TRMT10A: variants seen among roughly 807,000 people sequenced by gnomAD.
The protein encoded by TRMT10A is tRNA methyltransferase 10 homolog A.
Under a neutral mutation model 40.4 loss-of-function variants are expected in TRMT10A, and 37 were observed. That is an observed-to-expected ratio of 0.92 (90% CI 0.71 to 1.21). The LOEUF is 1.21. TRMT10A is among the 50% of genes most tolerant of loss of function. The pLI is 0.00. For synonymous variants in TRMT10A, 103 were observed against 134.1 expected (o/e 0.77, Z 1.60); for missense variants, 388 against 404.3 (o/e 0.96, Z 0.35).
In TRMT10A at chr4:99,553,945, A is replaced by G. The variant is rs1724059634; in HGVS notation, c.496-11T>C. On this transcript the variant is annotated splice_polypyrimidine_tract_variant and intron_variant, in intron 5 of 7. Coordinates refer to ENST00000394876, the MANE Select transcript of TRMT10A (RefSeq NM_001134665.3). ...TTTGATATGGATATCCTTTAAGACA[A>G]CAGGGAAAGAGGTTACTAATTAATA... 1.9e-6 allele frequency: 3 copies of G among 1,609,058 alleles called. No homozygotes were observed. The highest frequency in any genetic ancestry group is 2.5e-6 in the Non-Finnish European group (3 of 1,178,736).
chr4:99,561,236 A>G (rs1724379544), intron 1 of TRMT10A, among the ~76,000 whole-genome samples: 1 of 152,128 alleles, frequency 6.6e-6, no homozygotes, highest in Admixed American at 6.5e-5. Context: ...AAGTGCTGGG[A>G]TTACAGGCGT....
intron 1 of TRMT10A, among the ~76,000 whole-genome samples, chr4:99,562,501 T>C (rs1017873344): frequency 7.0e-6 from 1 of 143,184 alleles, no homozygotes; most frequent in Non-Finnish European, 1.5e-5. Context: ...TTGACAGCGA[T>C]AGCAAAGGAA....
chr4:99,553,067 A>T (rs532992621), intron 6 of TRMT10A, among the ~76,000 whole-genome samples: 7 of 152,324 alleles, frequency 4.6e-5, no homozygotes, highest in Admixed American at 6.5e-5. Flanking sequence ...AAAATTCCCT[A>T]TGATGCAATA....
rs1723861303 is a variant in TRMT10A at position 99,549,175 on chromosome 4, A to G, written c.933T>C (p.Tyr311=). ...GSDSDSSEEE[Y]SRNELDSPHE... ...GTGGTGAATCTAGTTCATTTCTGCTATATTCCTCCTCACTGGAATCACTGT... is the reference window on the plus strand; with the variant it reads ...GTGGTGAATCTAGTTCATTTCTGCTGTATTCCTCCTCACTGGAATCACTGT... Residue 311 remains tyrosine, a synonymous_variant, in exon 8 of 8, where the codon TAT becomes TAC. Coordinates refer to ENST00000394876, the MANE Select transcript of TRMT10A (RefSeq NM_001134665.3). 6.2e-7 allele frequency: 1 copy of G among 1,614,038 alleles called. No homozygotes were observed. Among genetic ancestry groups the G allele is most frequent in the Non-Finnish European group, 8.5e-7 (1 of 1,179,986 alleles).
chr4:99,546,894 T>C lies in TRMT10A; in HGVS notation c.*2194A>G, dbSNP rs1723757145. ...TTTTAAAACCAAATTTTTAAATACCTCAGAAACTAGTTATATCAAAAGAGG... is the reference window on the plus strand; with the variant it reads ...TTTTAAAACCAAATTTTTAAATACCCCAGAAACTAGTTATATCAAAAGAGG... On this transcript the variant is annotated 3_prime_UTR_variant, in exon 8 of 8. Coordinates refer to ENST00000394876, the MANE Select transcript of TRMT10A (RefSeq NM_001134665.3). The C allele has an allele frequency of 6.6e-6, 1 of 151,994 alleles. No individual in the cohort carries two copies. The highest frequency in any genetic ancestry group is 2.1e-4 in the South Asian group (1 of 4,818). The allele number at this position is 151,994 out of a possible 1,614,324, so 9.4% of individuals were successfully genotyped here.
intron 3 of TRMT10A, chr4:99,557,748 C>T (rs1476724393): frequency 2.5e-6 from 1 of 405,090 alleles, no homozygotes; most frequent in African/African-American, 2.1e-5. Context: ...ACTGGTAAAA[C>T]CCCACAGATC....
intron 4 of TRMT10A, among the ~76,000 whole-genome samples, chr4:99,556,441 C>T (rs2110189520): frequency 6.6e-6 from 1 of 152,236 alleles, no homozygotes; most frequent in African/African-American, 2.4e-5. Flanking sequence ...GCTGCAGTAT[C>T]CCATTTACAT....
intron 3 of TRMT10A, 170 bp from the exon 4 acceptor site, chr4:99,557,586 A>C: frequency 3.6e-6 from 2 of 548,828 alleles, no homozygotes; most frequent in Non-Finnish European, 6.3e-6. Flanking sequence ...ATACTAGCAA[A>C]ATTACTGTAA....
At chr4:99,552,559 T>G (rs184542606) in intron 6 of TRMT10A, among the ~76,000 whole-genome samples, 10 of 152,246 alleles carry the variant, frequency 6.6e-5, no homozygotes, top group South Asian at 6.2e-4. Flanking sequence ...ATCCCCATCA[T>G]TAAGCAACAT....
At position 99,557,617 on chromosome 4, in the gene TRMT10A, C is replaced by G. The variant is rs1724216413; in HGVS notation, c.349-201G>C. 2.9e-5 allele frequency: 14 copies of G among 475,746 alleles called. 1 individual carries two copies. The East Asian group carries it at 4.7e-4, about 16-fold the overall frequency. 29.5% of individuals were successfully genotyped at this position (475,746 alleles called of 1,614,324 possible). A position where few individuals can be genotyped will look rare whatever the true frequency, so the allele number is the denominator to read the frequency against. The stretch of plus-strand genomic sequence containing the variant: ...TGTAAGTTAATGCTCTGTAAGTGAC[C>G]CATTATTTCATATTTTGTATTTATT... On this transcript the variant is annotated intron_variant, in intron 3 of 7. Coordinates refer to ENST00000394876, the MANE Select transcript of TRMT10A (RefSeq NM_001134665.3).
In TRMT10A at chr4:99,548,982, C is replaced by G. The variant is rs1235728325; in HGVS notation, c.*106G>C. The G allele has an allele frequency of 4.0e-6, 5 of 1,239,848 alleles. No homozygotes were observed. The highest frequency in any genetic ancestry group is 5.3e-6 in the Non-Finnish European group (5 of 942,388). 76.8% of individuals were successfully genotyped at this position (1,239,848 alleles called of 1,614,324 possible). A position where few individuals can be genotyped will look rare whatever the true frequency, so the allele number is the denominator to read the frequency against. On this transcript the variant is annotated 3_prime_UTR_variant, in exon 8 of 8. Transcript: ENST00000394876. ...GGTCCAAAAAAAAGTTTTTAAAAAT[C>G]ACAACAGAAATAAGAGAAAATAAAA...
rs1723759085 is a variant in TRMT10A at position 99,546,951 on chromosome 4, C to A, written c.*2137G>T. 6.6e-6 allele frequency: 1 copy of A among 151,776 alleles called. No homozygotes were observed. The highest frequency in any genetic ancestry group is 6.6e-5 in the Admixed American group (1 of 15,238). The allele number at this position is 151,776 out of a possible 1,614,324, so 9.4% of individuals were successfully genotyped here. A position where few individuals can be genotyped will look rare whatever the true frequency, so the allele number is the denominator to read the frequency against. On this transcript the variant is annotated 3_prime_UTR_variant, in exon 8 of 8. Transcript: ENST00000394876. ...TCTTCACCTTCTTGCCACCAACATC[C>A]TAGATAAGATATGGGCCTGTAGTGG...
At chr4:99,555,949 T>C (rs1200423553) in intron 5 of TRMT10A, among the ~76,000 whole-genome samples, 197 bp downstream of exon 5, 1 of 152,192 alleles carries the variant, frequency 6.6e-6, no homozygotes, top group Non-Finnish European at 1.5e-5. Context: ...GAAGATTTAA[T>C]GAGAACAAAT....
chr4:99,562,407 A>G (rs1724453493), intron 1 of TRMT10A, among the ~76,000 whole-genome samples: 1 of 151,710 alleles, frequency 6.6e-6, no homozygotes, highest in Admixed American at 6.6e-5. Context: ...GGGATAAAAT[A>G]AATAATCGTC....
chr4:99,561,335 T>G (rs1724385919), intron 1 of TRMT10A, among the ~76,000 whole-genome samples: 1 of 152,128 alleles, frequency 6.6e-6, no homozygotes, highest in Non-Finnish European at 1.5e-5. Context: ...CATATGCCTT[T>G]CCTATCTAAG....
At chr4:99,562,562 G>A (rs1401302274) in intron 1 of TRMT10A, among the ~76,000 whole-genome samples, 2 of 125,120 alleles carry the variant, frequency 1.6e-5, no homozygotes, top group Non-Finnish European at 3.1e-5. Flanking sequence ...GTCTTGCTAG[G>A]TCGCCCAGGC....
chr4:99,562,038 G>A (rs1178111060), intron 1 of TRMT10A, among the ~76,000 whole-genome samples: 1 of 151,952 alleles, frequency 6.6e-6, no homozygotes, highest in Non-Finnish European at 1.5e-5. Context: ...AGGCGTGGTA[G>A]TGGACGCCTG....
rs1225409614 is a variant in TRMT10A, at chr4:99,546,975, G to A, written c.*2113C>T. 1 of 151,836 alleles carries A rather than the reference G, an allele frequency of 6.6e-6. No individual in the cohort carries two copies. The highest frequency in any genetic ancestry group is 1.5e-5 in the Non-Finnish European group (1 of 67,938). 9.4% of individuals were successfully genotyped at this position (151,836 alleles called of 1,614,324 possible). A position where few individuals can be genotyped will look rare whatever the true frequency, so the allele number is the denominator to read the frequency against. On this transcript the variant is annotated 3_prime_UTR_variant, in exon 8 of 8. Coordinates refer to ENST00000394876, the MANE Select transcript of TRMT10A (RefSeq NM_001134665.3). Reference sequence around the variant, plus strand: ...CCTAGATAAGATATGGGCCTGTAGTGGGTAGAATTGTGTCCCCCAAAAGAT... The same window carrying A: ...CCTAGATAAGATATGGGCCTGTAGTAGGTAGAATTGTGTCCCCCAAAAGAT...
intron 6 of TRMT10A, among the ~76,000 whole-genome samples, chr4:99,553,554 A>G (rs977189654): frequency 1.3e-5 from 2 of 152,200 alleles, no homozygotes. Flanking sequence ...TCTCTGTGCC[A>G]TGAATTCCTT....
Sources: allele counts gnomAD v4.1 joint callset (sites outside exome capture counted in the v4.1 genomes callset), GRCh38; gene constraint gnomAD v4.1.1; transcripts MANE v1.5; gene names NCBI Gene and HGNC (gene_info 2026-07-23, HGNC 2026-07-21).